The following SLIT3 variants were observed in gnomAD, a reference collection of about 807,000 sequenced individuals.
SLIT3 encodes the protein slit guidance ligand 3.
A neutral mutation model predicts 184.0 loss-of-function variants in SLIT3; 68 were observed. That is an observed-to-expected ratio of 0.37 (90% CI 0.30 to 0.45). SLIT3 has a LOEUF of 0.45. Among genes scored for constraint, SLIT3 ranks in the 20% least tolerant of loss-of-function variants. The pLI is 1.00. For synonymous variants in SLIT3, 831 were observed against 828.6 expected (o/e 1.00, Z -0.05); for missense variants, 1,707 against 2,026.0 (o/e 0.84, Z 3.02).
chr5:169,169,678 C>T (rs923842247), intron 4 of SLIT3, among the ~76,000 whole-genome samples: 4 of 152,236 alleles, frequency 2.6e-5, no homozygotes, highest in African/African-American at 9.6e-5. Flanking sequence ...GTAATTAGCA[C>T]ACCCCAAATT....
chr5:168,813,776 A>G (rs1320760241), intron 8 of SLIT3, among the ~76,000 whole-genome samples: 2 of 152,174 alleles, frequency 1.3e-5, no homozygotes, highest in South Asian at 2.1e-4. Flanking sequence ...TCAAAGGGAG[A>G]TATCAGGCAC....
At chr5:168,943,241 C>A (rs771606711) in intron 4 of SLIT3, among the ~76,000 whole-genome samples, 7 of 152,144 alleles carry the variant, frequency 4.6e-5, no homozygotes, top group Non-Finnish European at 8.8e-5. Flanking sequence ...TTTGGGATAA[C>A]TTCCAAAGAA....
intron 4 of SLIT3, among the ~76,000 whole-genome samples, chr5:169,183,389 C>T (rs942736976): frequency 6.6e-6 from 1 of 152,198 alleles, no homozygotes; most frequent in African/African-American, 2.4e-5. Context: ...AATGTACCAC[C>T]ATGGCCAAGA....
chr5:168,921,702 C>CT (rs1397025755), intron 4 of SLIT3, among the ~76,000 whole-genome samples: 2 of 152,224 alleles, frequency 1.3e-5, no homozygotes, highest in Non-Finnish European at 2.9e-5. Flanking sequence ...AAGCTGCTTA[C>CT]TTTCCTCCCA....
rs143660718 is a variant in SLIT3, at chr5:168,673,536, A to G, written c.3687-205T>C. 2.3e-3 allele frequency among the ~76,000 whole-genome samples: 355 copies of G among 152,352 alleles called. 2 individuals carry two copies. Among genetic ancestry groups the G allele is most frequent in the African/African-American group, 7.9e-3 (330 of 41,592 alleles). On this transcript the variant is annotated intron_variant, in intron 32 of 35. Transcript: ENST00000519560. ...TTTCTCCCATTACTCCAATGTGCTT[A>G]TGGTTTTCTCTGTGCATTTTATGTA... is the stretch of plus-strand genomic sequence containing the variant.
chr5:168,951,640 G>A (rs1209281956), intron 4 of SLIT3, among the ~76,000 whole-genome samples: 1 of 152,130 alleles, frequency 6.6e-6, no homozygotes, highest in African/African-American at 2.4e-5. Context: ...TAAGAAAAAT[G>A]TTGCTTTTGA....
chr5:168,673,168 G>C lies in SLIT3; in HGVS notation c.3841+9C>G. The C allele has an allele frequency of 6.2e-7, 1 of 1,613,560 alleles. No homozygotes were observed. The highest frequency in any genetic ancestry group is 8.5e-7 in the Non-Finnish European group (1 of 1,179,536). On this transcript the variant is annotated intron_variant, in intron 33 of 35. Transcript: ENST00000519560. ...GGGAGGTAGAGGTGGTAGGGAAAGA[G>C]GGCATTACCTCCAAGGTAGAGGGGG...
intron 4 of SLIT3, among the ~76,000 whole-genome samples, chr5:168,986,562 G>T (rs59922838): frequency 2.6e-5 from 4 of 152,068 alleles, no homozygotes; most frequent in Non-Finnish European, 5.9e-5. Context: ...ACCCCTGCAC[G>T]CTCTCTCCTT....
At chr5:169,066,195 G>T (rs1758343855) in intron 4 of SLIT3, among the ~76,000 whole-genome samples, 1 of 152,160 alleles carries the variant, frequency 6.6e-6, no homozygotes, top group Non-Finnish European at 1.5e-5. Context: ...TGACTGCAGT[G>T]GTACCATTGC....
In SLIT3 at chr5:168,883,287, C is replaced by T. The variant is rs544300249; in HGVS notation, c.463G>A (p.Gly155Ser). ...IQGIPRKAFR[G>S]ITDVKNLQLD... ...TACAGGTTCTTCACATCGGTGATGC[C>T]GCGGAACGCCTTCCTCGGGATCCCC... Residue 155 changes from glycine (G) to serine (S), a missense_variant, in exon 5 of 36, where the codon GGC (glycine) becomes AGC (serine). Around this residue, in one of 3 missense-constraint regions of SLIT3, gnomAD observed 1,307 missense variants for 1,511.6 expected, o/e 0.86. Transcript: ENST00000519560. The T allele has an allele frequency of 4.4e-5, 71 of 1,613,966 alleles. No individual in the cohort carries two copies. The South Asian group carries it at 6.0e-4, about 14-fold the overall frequency.
At chr5:168,862,566 G>A (rs902947193) in intron 5 of SLIT3, among the ~76,000 whole-genome samples, 17 of 151,862 alleles carry the variant, frequency 1.1e-4, no homozygotes, top group Admixed American at 2.6e-4. Flanking sequence ...ATTGCTTTGG[G>A]TTGAATCACC....
At chr5:169,131,827 A>G (rs1389765654) in intron 4 of SLIT3, among the ~76,000 whole-genome samples, 2 of 152,248 alleles carry the variant, frequency 1.3e-5, no homozygotes, top group Admixed American at 6.5e-5. Flanking sequence ...CCCTTGCAGA[A>G]CATGTGAAGC....
intron 3 of SLIT3, among the ~76,000 whole-genome samples, chr5:169,208,345 C>A (rs529074295): frequency 2.0e-5 from 3 of 152,164 alleles, no homozygotes; most frequent in Admixed American, 2.0e-4. Flanking sequence ...GTTTGTAGTT[C>A]TCCTTGCAGA....
At position 169,113,517 on chromosome 5, in the gene SLIT3, T is replaced by A. The variant is rs2668055; in HGVS notation, c.413+79962A>T. ...TTTTGGCTACGTAATTAATGATGGCTGTACAAATGATGAATATGGGTGTAC... is the reference window on the plus strand; with the variant it reads ...TTTTGGCTACGTAATTAATGATGGCAGTACAAATGATGAATATGGGTGTAC... On this transcript the variant is annotated intron_variant, in intron 4 of 35. Coordinates refer to ENST00000519560, the MANE Select transcript of SLIT3 (RefSeq NM_003062.4). Among the ~76,000 whole-genome samples, 605 of 152,040 alleles carry A rather than the reference T, an allele frequency of 4.0e-3. 6 individuals are homozygous for A. Among genetic ancestry groups the A allele is most frequent in the African/African-American group, 0.014 (578 of 41,482 alleles).
intron 4 of SLIT3, among the ~76,000 whole-genome samples, chr5:169,153,988 T>G (rs79985513): frequency 6.6e-6 from 1 of 150,858 alleles, no homozygotes; most frequent in Non-Finnish European, 1.5e-5. Flanking sequence ...TTTTTTTTTT[T>G]GTGAGACAGA....
intron 4 of SLIT3, among the ~76,000 whole-genome samples, chr5:168,965,094 T>C (rs905974362): frequency 6.6e-6 from 1 of 152,220 alleles, no homozygotes; most frequent in Non-Finnish European, 1.5e-5. Flanking sequence ...GCACAGTCTA[T>C]GCTGTATGTG....
At chr5:169,022,787 T>C (rs1185718296) in intron 4 of SLIT3, 1 of 152,052 alleles carries the variant, frequency 6.6e-6, no homozygotes, top group Non-Finnish European at 1.5e-5. Context: ...GTCCAGTGTG[T>C]GCCCTGACAT....
At chr5:169,244,594 A>T (rs1765517729) in intron 3 of SLIT3, 111 bp downstream of exon 3, 15 of 827,464 alleles carry the variant, frequency 1.8e-5, no homozygotes, top group Middle Eastern at 2.4e-4. Context: ...TAAACACTGG[A>T]GACCTTTTTT....
chr5:169,055,567 C>T (rs112681501), intron 4 of SLIT3, among the ~76,000 whole-genome samples: 23 of 152,214 alleles, frequency 1.5e-4, no homozygotes, highest in Middle Eastern at 3.4e-3. Flanking sequence ...GAAGGTCGGG[C>T]GCAGTGGCTC....
Sources: allele counts gnomAD v4.1 joint callset (sites outside exome capture counted in the v4.1 genomes callset), GRCh38; gene constraint gnomAD v4.1.1; regional missense constraint gnomAD v4.1.1; transcripts MANE v1.5; gene names NCBI Gene and HGNC (gene_info 2026-07-23, HGNC 2026-07-21).